THEM6: variants seen among roughly 807,000 people sequenced by gnomAD.
THEM6 encodes thioesterase superfamily member 6.
Under a neutral mutation model 13.7 loss-of-function variants are expected in THEM6, and 10 were observed. The observed-to-expected ratio is 0.73, with a 90% CI of 0.45 to 1.24. The LOEUF is 1.24. Ranked by LOEUF, THEM6 falls within the 50% of genes most tolerant of loss-of-function variation. THEM6 has a pLI of 0.00. For synonymous variants in THEM6, 161 were observed against 156.0 expected, an observed-to-expected ratio of 1.03 and a Z score of -0.24; for missense variants, 317 against 312.6, an observed-to-expected ratio of 1.01 and a Z score of -0.11.
rs782050223 is a variant in THEM6, at chr8:142,728,452, C to T, written c.513+593C>T. 9.2e-5 allele frequency among the ~76,000 whole-genome samples: 14 copies of T among 152,366 alleles called. No individual in the cohort carries two copies. The East Asian group carries it at 1.5e-3, about 17-fold the overall frequency. On this transcript the variant is annotated intron_variant, in intron 1 of 1. Coordinates refer to ENST00000336138, the MANE Select transcript of THEM6 (RefSeq NM_016647.3). ...CAGCAGGGCAGAACCGCCCCTGCAG[C>T]ATGGCACCTGGGGCCCTGGGGACGG... is the stretch of plus-strand genomic sequence containing the variant.
In THEM6 at chr8:142,727,708, C is replaced by G. The variant is rs184540082; in HGVS notation, c.362C>G (p.Thr121Ser). 23 of 1,432,022 alleles carry G rather than the reference C, an allele frequency of 1.6e-5. No homozygotes were observed. The highest frequency in any genetic ancestry group is 2.0e-5 in the Non-Finnish European group (22 of 1,103,894). The allele number at this position is 1,432,022 out of a possible 1,614,324, so 88.7% of individuals were successfully genotyped here. A position where few individuals can be genotyped will look rare whatever the true frequency, so the allele number is the denominator to read the frequency against. The change falls in exon 1 of 2, where the codon ACC becomes AGC. Residue 121 changes from threonine (T) to serine (S), a missense_variant. By Grantham distance (58) the Thr-to-Ser change is moderately conservative. Transcript: ENST00000336138. The stretch of plus-strand genomic sequence containing the variant: ...CTGCTGGAGCCCTTCGAGGTGCGCA[C>G]CCGCCTGCTGGGCTGGGACGACCGC... The part of the protein sequence containing the change: ...LRLLEPFEVR[T>S]RLLGWDDRAF...
chr8:142,732,717 T>C (rs1377218232), intron 1 of THEM6, among the ~76,000 whole-genome samples: 1 of 151,372 alleles, frequency 6.6e-6, no homozygotes, highest in Admixed American at 6.6e-5. Flanking sequence ...GTTTCTTTTT[T>C]TTTTTTTTTT....
chr8:142,727,971 C>A, intron 1 of THEM6, 112 bp downstream of exon 1: 1 of 1,229,730 alleles, frequency 8.1e-7, no homozygotes, highest in Non-Finnish European at 1.1e-6. Context: ...GCACCTCTTT[C>A]GGATACTGCT....
chr8:142,733,826 A>G (rs1311600128), intron 1 of THEM6, among the ~76,000 whole-genome samples: 3 of 152,228 alleles, frequency 2.0e-5, no homozygotes, highest in Non-Finnish European at 4.4e-5. Flanking sequence ...AGGGAGGCAC[A>G]ATACATCTGT....
chr8:142,729,797 T>C (rs1554642782), intron 1 of THEM6, among the ~76,000 whole-genome samples: 1 of 152,210 alleles, frequency 6.6e-6, no homozygotes, highest in African/African-American at 2.4e-5. Flanking sequence ...GTTTTAGATC[T>C]GCACAGACCT....
chr8:142,730,284 TC>T (rs1284881153), intron 1 of THEM6, among the ~76,000 whole-genome samples: 2 of 152,174 alleles, frequency 1.3e-5, no homozygotes, highest in Non-Finnish European at 2.9e-5. Context: ...ATAGGGTTCT[TC>T]CCAGGCTGGC....
intron 1 of THEM6, among the ~76,000 whole-genome samples, chr8:142,732,914 C>A (rs1415377469): frequency 6.6e-6 from 1 of 152,092 alleles, no homozygotes; most frequent in Non-Finnish European, 1.5e-5. Flanking sequence ...TTCCCCGGTG[C>A]CGTAAAGAAA....
In THEM6 at chr8:142,727,792, T is replaced by TGCGCTTCC; in HGVS notation, c.448_455dup (p.Gln153AlafsTer92). The TGCGCTTCC allele has an allele frequency of 6.8e-7, 1 of 1,469,372 alleles. No individual in the cohort carries two copies. Among genetic ancestry groups the TGCGCTTCC allele is most frequent in the South Asian group, 1.3e-5 (1 of 76,014 alleles). 91.0% of individuals were successfully genotyped at this position (1,469,372 alleles called of 1,614,324 possible). A position where few individuals can be genotyped will look rare whatever the true frequency, so the allele number is the denominator to read the frequency against. On this transcript the variant is annotated frameshift_variant, in exon 1 of 2. Transcript: ENST00000336138. LOFTEE classifies it high-confidence loss of function. ...CGGGACGGCTTCGTGTGCGCGCTGC[T>TGCGCTTCC]GCGCTTCCGGCAGCACCTGCTGGGC... is the stretch of plus-strand genomic sequence containing the variant.
rs1554642384 is a variant in THEM6, at chr8:142,727,324, A to C, written c.-23A>C. On this transcript the variant is annotated 5_prime_UTR_variant, in exon 1 of 2. Transcript: ENST00000336138. Reference sequence around the variant, plus strand: ...GCACCGGCGCCACGGACTCCGCAGGACCCCGCGCCCGCCGCCGCCGCTATG... The same window carrying C: ...GCACCGGCGCCACGGACTCCGCAGGCCCCCGCGCCCGCCGCCGCCGCTATG... The C allele has an allele frequency of 6.7e-7, 1 of 1,495,354 alleles. No individual in the cohort carries two copies. Among genetic ancestry groups the C allele is most frequent in the Middle Eastern group, 2.3e-4 (1 of 4,262 alleles). 92.6% of individuals were successfully genotyped at this position (1,495,354 alleles called of 1,614,324 possible). A position where few individuals can be genotyped will look rare whatever the true frequency, so the allele number is the denominator to read the frequency against.
intron 1 of THEM6, among the ~76,000 whole-genome samples, chr8:142,729,531 T>G (rs1815599681): frequency 6.6e-6 from 1 of 152,202 alleles, no homozygotes; most frequent in Admixed American, 6.5e-5. Context: ...GACACCCTAG[T>G]TTTATTATTA....
In THEM6 at chr8:142,727,934, C is replaced by T. The variant is rs889799231; in HGVS notation, c.513+75C>T. On this transcript the variant is annotated intron_variant, in intron 1 of 1. Transcript: ENST00000336138. The stretch of plus-strand genomic sequence containing the variant: ...CGGGGGCTCCTCCTAGTCCCTGGCC[C>T]CCTCCCCTAGGGAAGGCCCGCTGCC... 5.9e-6 allele frequency: 8 copies of T among 1,348,506 alleles called. No homozygotes were observed. In the Admixed American group the frequency reaches 1.2e-4, roughly 20 times the overall value. The allele number at this position is 1,348,506 out of a possible 1,614,324, so 83.5% of individuals were successfully genotyped here.
chr8:142,735,647 C>T lies in THEM6; in HGVS notation c.*208C>T, dbSNP rs147575563. ...CAGAAGGAGGAGTGGCATTGGCATC[C>T]TGACCCAGCTCTGCCCTCAAGGTGG... On this transcript the variant is annotated 3_prime_UTR_variant, in exon 2 of 2. Transcript: ENST00000336138. 8.1e-4 allele frequency: 462 copies of T among 568,680 alleles called. No individual in the cohort carries two copies. The highest frequency in any genetic ancestry group is 7.7e-3 in the African/African-American group (415 of 53,626). 35.2% of individuals were successfully genotyped at this position (568,680 alleles called of 1,614,324 possible). A position where few individuals can be genotyped will look rare whatever the true frequency, so the allele number is the denominator to read the frequency against.
At chr8:142,732,161 A>AATATATATATATATATATATATAT (rs59428096) in intron 1 of THEM6, among the ~76,000 whole-genome samples, 6 of 37,248 alleles carry the variant, frequency 1.6e-4, no homozygotes, top group Non-Finnish European at 2.5e-4. Flanking sequence ...GGGAGTTTTG[A>AATATATATATATATATATATATAT]ATATATATAT....
At chr8:142,735,195 G>A in intron 1 of THEM6, 131 bp from the exon 2 acceptor site, 1 of 680,460 alleles carries the variant, frequency 1.5e-6, no homozygotes, top group East Asian at 2.7e-5. Context: ...GCCTGGGGAG[G>A]CATGGGCAAA....
intron 1 of THEM6, among the ~76,000 whole-genome samples, chr8:142,733,515 C>T (rs2130000703): frequency 6.6e-6 from 1 of 152,280 alleles, no homozygotes; most frequent in South Asian, 2.1e-4. Flanking sequence ...GGGGATGCAG[C>T]CCAGCAGGCC....
Position 142,735,536 on chromosome 8 carries a change from GCCT to G in THEM6, c.*101_*103del. 2.1e-6 allele frequency: 2 copies of G among 965,394 alleles called. No individual in the cohort carries two copies. Among genetic ancestry groups the G allele is most frequent in the Middle Eastern group, 2.1e-4 (1 of 4,820 alleles). The allele number at this position is 965,394 out of a possible 1,614,324, so 59.8% of individuals were successfully genotyped here. ...GCCATACTCTGTTCCAGCTGGAGTA[GCCT>G]CCTGACCAGCCTGGCCCACCCTGCT... is the stretch of plus-strand genomic sequence containing the variant. On this transcript the variant is annotated 3_prime_UTR_variant, in exon 2 of 2. Coordinates refer to ENST00000336138, the MANE Select transcript of THEM6 (RefSeq NM_016647.3).
Position 142,732,169 on chromosome 8 carries a change from T to C in THEM6, c.514-3157T>C, listed in dbSNP as rs1347356587. ...GGGAAAAGGGAGTTTTGAATATATA[T>C]ATATATATATATATATATATATATA... On this transcript the variant is annotated intron_variant, in intron 1 of 1. Coordinates refer to ENST00000336138, the MANE Select transcript of THEM6 (RefSeq NM_016647.3). Among the ~76,000 whole-genome samples the C allele has an allele frequency of 1.4e-3, 66 of 47,222 alleles. 2 individuals carry two copies. Among genetic ancestry groups the C allele is most frequent in the African/African-American group, 6.6e-3 (66 of 10,018 alleles). 31.0% of individuals were successfully genotyped at this position (47,222 alleles called of 152,430 possible). A position where few individuals can be genotyped will look rare whatever the true frequency, so the allele number is the denominator to read the frequency against.
intron 1 of THEM6, among the ~76,000 whole-genome samples, chr8:142,729,444 C>A (rs1815597530): frequency 6.6e-6 from 1 of 152,124 alleles, no homozygotes; most frequent in African/African-American, 2.4e-5. Flanking sequence ...AATATTTAAT[C>A]CATTTCAGCC....
intron 1 of THEM6, among the ~76,000 whole-genome samples, chr8:142,731,644 CTCTT>C (rs1339853202): frequency 2.0e-5 from 3 of 152,076 alleles, no homozygotes; most frequent in South Asian, 2.1e-4. Flanking sequence ...GTATTTTAAT[CTCTT>C]TCTGTCTCTT....
Sources: allele counts gnomAD v4.1 joint callset (sites outside exome capture counted in the v4.1 genomes callset), GRCh38; gene constraint gnomAD v4.1.1; transcripts MANE v1.5; gene names NCBI Gene and HGNC (gene_info 2026-07-23, HGNC 2026-07-21).